FAM135B: variants seen among roughly 807,000 people sequenced by gnomAD.
FAM135B encodes the protein protein FAM135B.
Under a neutral mutation model 127.7 loss-of-function variants are expected in FAM135B, and 43 were observed. The ratio of observed to expected loss-of-function variants is 0.34; its 90% CI spans 0.26 to 0.43. FAM135B has a LOEUF of 0.43. Ranked by LOEUF, FAM135B falls within the 20% of genes least tolerant of loss-of-function variation. The pLI, the probability that FAM135B is intolerant of heterozygous loss-of-function variation, is 1.00. For synonymous variants in FAM135B, 670 were observed against 665.1 expected (o/e 1.01, Z -0.11); for missense variants, 1,558 against 1,725.6 (o/e 0.90, Z 1.72).
intron 3 of FAM135B, among the ~76,000 whole-genome samples, chr8:138,291,794 A>C (rs1340043510): frequency 6.6e-6 from 1 of 152,218 alleles, no homozygotes; most frequent in Non-Finnish European, 1.5e-5. Flanking sequence ...TAAAGATCAT[A>C]TATTTCAAGC....
At chr8:138,447,822 G>GA (rs1836275662) in intron 1 of FAM135B, among the ~76,000 whole-genome samples, 1 of 135,904 alleles carries the variant, frequency 7.4e-6, no homozygotes, top group Non-Finnish European at 1.6e-5. Flanking sequence ...AAAAAAAAAA[G>GA]AAAAAATAAA....
At chr8:138,220,401 A>G (rs987782911) in intron 7 of FAM135B, among the ~76,000 whole-genome samples, 3 of 152,088 alleles carry the variant, frequency 2.0e-5, no homozygotes, top group African/African-American at 7.2e-5. Flanking sequence ...GAGAGGCAAA[A>G]AGCATCGTTG....
intron 3 of FAM135B, among the ~76,000 whole-genome samples, chr8:138,271,346 GAT>G (rs2130676790): frequency 2.0e-5 from 3 of 152,228 alleles, no homozygotes; most frequent in African/African-American, 7.2e-5. Flanking sequence ...TGGAGTATTG[GAT>G]ATTTTGTTTT....
chr8:138,363,851 G>T (rs569047026), intron 2 of FAM135B, among the ~76,000 whole-genome samples: 2 of 152,262 alleles, frequency 1.3e-5, no homozygotes, highest in East Asian at 3.9e-4. Context: ...GGATGGAGGA[G>T]ATATTTCTCA....
chr8:138,174,560 T>C (rs1427374601), intron 11 of FAM135B, among the ~76,000 whole-genome samples: 2 of 152,184 alleles, frequency 1.3e-5, no homozygotes, highest in African/African-American at 4.8e-5. Context: ...CTTGATGACC[T>C]GGCAAAAAGT....
chr8:138,262,913 A>AAC (rs1404381110), intron 4 of FAM135B, among the ~76,000 whole-genome samples: 1 of 150,172 alleles, frequency 6.7e-6, no homozygotes, highest in East Asian at 2.0e-4. Context: ...GAAAAAAAAA[A>AAC]AAAAAAAAGC....
chr8:138,449,014 T>C (rs1485493374), intron 1 of FAM135B, among the ~76,000 whole-genome samples: 1 of 152,168 alleles, frequency 6.6e-6, no homozygotes, highest in Non-Finnish European at 1.5e-5. Flanking sequence ...GTATTGCTGA[T>C]ACAGTCCAAT....
chr8:138,392,792 G>C (rs1832652368), intron 1 of FAM135B, among the ~76,000 whole-genome samples: 1 of 152,056 alleles, frequency 6.6e-6, no homozygotes, highest in African/African-American at 2.4e-5. Context: ...CTACTCAGGG[G>C]CTTCTCTTCC....
intron 2 of FAM135B, among the ~76,000 whole-genome samples, chr8:138,350,004 C>CT (rs1829670246): frequency 6.6e-6 from 1 of 152,128 alleles, no homozygotes; most frequent in Admixed American, 6.6e-5. Flanking sequence ...GAGGTGGACT[C>CT]TATCGTTATT....
chr8:138,226,184 T>TGCGCGCGCGC (rs1554637377), intron 7 of FAM135B, among the ~76,000 whole-genome samples: 19 of 139,198 alleles, frequency 1.4e-4, no homozygotes, highest in African/African-American at 4.0e-4. Context: ...TGTGTGTGTG[T>TGCGCGCGCGC]GCGCGCATGT....
Position 138,314,693 on chromosome 8 carries a change from C to CAATA in FAM135B, c.78-3777_78-3774dup, listed in dbSNP as rs1402271667. Among the ~76,000 whole-genome samples, 214 of 120,292 alleles carry CAATA rather than the reference C, an allele frequency of 1.8e-3. No individual in the cohort carries two copies. In the East Asian group the frequency reaches 0.019, roughly 11 times the overall value. 78.9% of individuals were successfully genotyped at this position (120,292 alleles called of 152,430 possible). A position where few individuals can be genotyped will look rare whatever the true frequency, so the allele number is the denominator to read the frequency against. On this transcript the variant is annotated intron_variant, in intron 2 of 19. Transcript: ENST00000395297. Reference sequence around the variant, plus strand: ...GCAATATATGGAGACCCCATCCCTACAATAAATAAATAAATAAATAAATAA... The same window carrying CAATA: ...GCAATATATGGAGACCCCATCCCTACAATAAATAAATAAATAAATAAATAAATAA...
chr8:138,233,602 C>T (rs1456384153), intron 7 of FAM135B, among the ~76,000 whole-genome samples: 3 of 152,132 alleles, frequency 2.0e-5, no homozygotes, highest in Non-Finnish European at 2.9e-5. Context: ...TGACATTAAT[C>T]TTGGCAATGA....
intron 13 of FAM135B, 123 bp downstream of exon 13, chr8:138,151,071 T>C: frequency 1.7e-6 from 1 of 585,316 alleles, no homozygotes; most frequent in South Asian, 3.5e-5. Context: ...TATGGTATAT[T>C]ACCTTATTTA....
chr8:138,484,824 GCCAACACAAGCTGGCCTGTTAAAATA>G (rs1040924467), intron 1 of FAM135B, among the ~76,000 whole-genome samples: 321 of 152,160 alleles, frequency 2.1e-3, no homozygotes, highest in African/African-American at 7.3e-3. Flanking sequence ...CTCCCAAAAG[GCCAACACAAGCTGGCCTGTTAAAATA>G]CCAAGCTTGA....
intron 3 of FAM135B, among the ~76,000 whole-genome samples, chr8:138,295,617 G>C (rs1825427661): frequency 6.6e-6 from 1 of 152,136 alleles, no homozygotes; most frequent in African/African-American, 2.4e-5. Flanking sequence ...GAGTTCTGAA[G>C]GAAATGAAGG....
At position 138,320,138 on chromosome 8, in the gene FAM135B, T is replaced by G. The variant is rs116775255; in HGVS notation, c.78-9218A>C. On this transcript the variant is annotated intron_variant, in intron 2 of 19. Coordinates refer to ENST00000395297, the MANE Select transcript of FAM135B (RefSeq NM_015912.4). ...CATTTCAGAATTCTAACCTGCAGAA[T>G]TCTAAGATAATAATGTTATGTTGTT... Among the ~76,000 whole-genome samples, 1,309 of 152,290 alleles carry G rather than the reference T, an allele frequency of 8.6e-3. 20 individuals are homozygous for G. Among genetic ancestry groups the G allele is most frequent in the African/African-American group, 0.029 (1,213 of 41,560 alleles).
intron 7 of FAM135B, among the ~76,000 whole-genome samples, chr8:138,239,892 T>G (rs1004755969): frequency 6.6e-6 from 1 of 150,462 alleles, no homozygotes; most frequent in East Asian, 2.0e-4. Flanking sequence ...AGCAAACTAT[T>G]GCAAGGACAA....
intron 7 of FAM135B, among the ~76,000 whole-genome samples, chr8:138,239,988 A>G (rs7462163): frequency 0.99 from 141,525 of 143,496 alleles, 69,793 homozygotes; most frequent in East Asian, 1. Flanking sequence ...ATCACACACC[A>G]GGGCCTGTCA....
chr8:138,454,982 A>G (rs549547082), intron 1 of FAM135B, among the ~76,000 whole-genome samples: 22 of 152,364 alleles, frequency 1.4e-4, no homozygotes, highest in Admixed American at 1.4e-3. Context: ...AAATCTTAAG[A>G]TAACAGATGA....
Sources: allele counts gnomAD v4.1 joint callset (sites outside exome capture counted in the v4.1 genomes callset), GRCh38; gene constraint gnomAD v4.1.1; transcripts MANE v1.5; gene names NCBI Gene and HGNC (gene_info 2026-07-23, HGNC 2026-07-21).